Variants in KCNMA1 observed in about 807,000 individuals in gnomAD.
KCNMA1 encodes the protein potassium calcium-activated channel subfamily M alpha 1.
In KCNMA1, 29 loss-of-function variants were observed where a neutral mutation model predicts 140.0. The ratio of observed to expected loss-of-function variants is 0.21; its 90% CI spans 0.15 to 0.28. KCNMA1 has a LOEUF of 0.28. Among genes scored for constraint, KCNMA1 ranks in the 10% least tolerant of loss-of-function variants. KCNMA1 has a pLI of 1.00. For missense variants in KCNMA1, 880 were observed against 1,602.2 expected (o/e 0.55, Z 7.70); for synonymous variants, 612 against 611.9 (o/e 1.00, Z 0.00).
At chr10:77,491,977 A>T (rs577877053) in intron 1 of KCNMA1, among the ~76,000 whole-genome samples, 1 of 152,284 alleles carries the variant, frequency 6.6e-6, no homozygotes, top group Non-Finnish European at 1.5e-5. Flanking sequence ...CCCAAGCCCA[A>T]TTCAAATGGA....
intron 5 of KCNMA1, among the ~76,000 whole-genome samples, chr10:77,143,581 C>A (rs971404526): frequency 3.9e-5 from 6 of 152,104 alleles, no homozygotes; most frequent in African/African-American, 1.4e-4. Flanking sequence ...ACACAATCTA[C>A]AAAATTAGTT....
chr10:76,913,398 T>C (rs116555844), intron 24 of KCNMA1: 6 of 152,212 alleles, frequency 3.9e-5, no homozygotes, highest in African/African-American at 7.2e-5. Context: ...TGGGCTGGGA[T>C]TGGGGGCCAG....
chr10:76,878,761 G>GC (rs2033258362), intron 29 of KCNMA1, among the ~76,000 whole-genome samples: 1 of 152,186 alleles, frequency 6.6e-6, no homozygotes, highest in East Asian at 1.9e-4. Flanking sequence ...AAATGGTCTA[G>GC]CATCCTCTTA....
In KCNMA1 at chr10:77,475,284, A is replaced by AGGGGCAACTCCCTGGGCAAGGCAAGGT. The variant is rs2098254323; in HGVS notation, c.379-71288_379-71262dup. Among the ~76,000 whole-genome samples, 7 of 152,312 alleles carry AGGGGCAACTCCCTGGGCAAGGCAAGGT rather than the reference A, an allele frequency of 4.6e-5. 1 individual carries two copies. In the South Asian group the frequency reaches 1.4e-3, roughly 32 times the overall value. On this transcript the variant is annotated intron_variant, in intron 1 of 27. Coordinates refer to ENST00000286628, the MANE Select transcript of KCNMA1 (RefSeq NM_001161352.2). The stretch of plus-strand genomic sequence containing the variant: ...ACATCTACATTTATCAGATTCCCCA[A>AGGGGCAACTCCCTGGGCAAGGCAAGGT]GGGGCAACTCCCTGGGCAAGGCAAG...
intron 1 of KCNMA1, among the ~76,000 whole-genome samples, chr10:77,427,711 CCATCCATTCATT>C (rs1566784398): frequency 9.2e-6 from 1 of 108,846 alleles, no homozygotes; most frequent in African/African-American, 3.1e-5. Flanking sequence ...TCCTGAGCAT[CCATCCATTCATT>C]TATTTATTTA....
At chr10:77,090,050 A>G (rs904438330) in intron 10 of KCNMA1, among the ~76,000 whole-genome samples, 2 of 152,132 alleles carry the variant, frequency 1.3e-5, no homozygotes, top group African/African-American at 2.4e-5. Context: ...ACAGCTAATC[A>G]TCCCACAGCA....
chr10:77,317,466 A>G (rs558397614), intron 2 of KCNMA1, among the ~76,000 whole-genome samples: 8 of 152,346 alleles, frequency 5.3e-5, no homozygotes, highest in African/African-American at 1.9e-4. Context: ...CGGGAGTGTT[A>G]TGCTCAGATG....
At chr10:76,967,044 G>T (rs143871338) in intron 20 of KCNMA1, among the ~76,000 whole-genome samples, 1 of 152,174 alleles carries the variant, frequency 6.6e-6, no homozygotes, top group Non-Finnish European at 1.5e-5. Flanking sequence ...CAGAGTCCCC[G>T]TTGCATCTCC....
intron 1 of KCNMA1, among the ~76,000 whole-genome samples, chr10:77,591,743 T>A (rs879469196): frequency 6.6e-6 from 1 of 152,184 alleles, no homozygotes; most frequent in Non-Finnish European, 1.5e-5. Context: ...AGAGCCTGGA[T>A]CGCACATGCC....
intron 1 of KCNMA1, among the ~76,000 whole-genome samples, chr10:77,522,616 G>A (rs1476342202): frequency 1.3e-5 from 2 of 152,154 alleles, no homozygotes; most frequent in Non-Finnish European, 1.5e-5. Flanking sequence ...CTGGCAGGGG[G>A]GCCGGATACA....
intron 1 of KCNMA1, among the ~76,000 whole-genome samples, chr10:77,463,329 G>T (rs967987594): frequency 6.6e-6 from 1 of 152,130 alleles, no homozygotes; most frequent in Non-Finnish European, 1.5e-5. Flanking sequence ...GTACTGTGTT[G>T]TCACCCTATC....
intron 1 of KCNMA1, among the ~76,000 whole-genome samples, chr10:77,532,206 C>T (rs769151621): frequency 3.0e-4 from 45 of 152,330 alleles, no homozygotes; most frequent in Middle Eastern, 3.4e-3. Flanking sequence ...CATTCCAGCA[C>T]GATGAGAATC....
chr10:77,272,245 A>G (rs1263614808), intron 2 of KCNMA1, among the ~76,000 whole-genome samples: 1 of 152,182 alleles, frequency 6.6e-6, no homozygotes, highest in Non-Finnish European at 1.5e-5. Context: ...TATCTCTAGC[A>G]CCCAGGTGTG....
intron 2 of KCNMA1, among the ~76,000 whole-genome samples, chr10:77,289,761 T>C (rs2072502274): frequency 6.6e-6 from 1 of 152,188 alleles, no homozygotes; most frequent in Non-Finnish European, 1.5e-5. Context: ...AAATAGTACA[T>C]CAAAAATTTC....
intron 23 of KCNMA1, among the ~76,000 whole-genome samples, chr10:76,942,761 G>A (rs1404308381): frequency 6.6e-6 from 1 of 152,178 alleles, no homozygotes; most frequent in East Asian, 1.9e-4. Flanking sequence ...GCATGTTGGG[G>A]AAAGGGAGTG....
chr10:77,151,601 T>TGTAAGCTTCTTATGCATGCCC (rs1292313529), intron 5 of KCNMA1, among the ~76,000 whole-genome samples: 2 of 152,186 alleles, frequency 1.3e-5, no homozygotes, highest in Non-Finnish European at 2.9e-5. Flanking sequence ...CCCTCCCTCC[T>TGTAAGCTTCTTATGCATGCCC]GTAAGCTTCT....
At chr10:77,216,715 T>C (rs1160654999) in intron 3 of KCNMA1, among the ~76,000 whole-genome samples, 2 of 152,246 alleles carry the variant, frequency 1.3e-5, no homozygotes, top group Admixed American at 6.5e-5. Flanking sequence ...GATAATTTAT[T>C]AACCATGAAC....
chr10:77,442,015 G>A (rs1331792436), intron 1 of KCNMA1, among the ~76,000 whole-genome samples: 2 of 152,156 alleles, frequency 1.3e-5, no homozygotes, highest in East Asian at 1.9e-4. Context: ...TCTCAACTGC[G>A]CCAGCAAGGA....
intron 1 of KCNMA1, among the ~76,000 whole-genome samples, chr10:77,471,734 CACAT>C (rs1256020465): frequency 2.7e-5 from 4 of 150,328 alleles, no homozygotes; most frequent in African/African-American, 7.4e-5. Flanking sequence ...ACACATAACA[CACAT>C]ACACGCATTG....
Sources: allele counts gnomAD v4.1 joint callset (sites outside exome capture counted in the v4.1 genomes callset), GRCh38; gene constraint gnomAD v4.1.1; transcripts MANE v1.5; gene names NCBI Gene and HGNC (gene_info 2026-07-23, HGNC 2026-07-21).